Variants in SPATA6L observed in about 807,000 individuals in gnomAD.
SPATA6L encodes spermatogenesis associated 6 like.
SPATA6L carries 68 observed loss-of-function variants against 49.2 expected under a neutral mutation model. The observed-to-expected ratio is 1.38, with a 90% CI of 1.14 to 1.69. The LOEUF (loss-of-function observed/expected upper bound fraction) is 1.69. SPATA6L is among the 40% of genes most tolerant of loss of function. SPATA6L has a pLI of 0.00. For missense variants in SPATA6L, 668 were observed against 464.3 expected (o/e 1.44, Z -4.03); for synonymous variants, 198 against 165.7 (o/e 1.19, Z -1.50).
intron 11 of SPATA6L, among the ~76,000 whole-genome samples, chr9:4,603,224 G>C (rs148375512): frequency 2.0e-3 from 301 of 152,294 alleles, no homozygotes; most frequent in African/African-American, 6.7e-3. Flanking sequence ...GAGGTCAGGA[G>C]TTTGAGACCA....
At chr9:4,622,571 G>A (rs960241298) in intron 6 of SPATA6L, 61 bp from the exon 7 acceptor site, 12 of 1,164,622 alleles carry the variant, frequency 1.0e-5, no homozygotes, top group South Asian at 1.3e-5. Context: ...CCCTCCCCTC[G>A]TTACCGGAAT....
chr9:4,631,139 G>T (rs898292216), intron 4 of SPATA6L, among the ~76,000 whole-genome samples: 1 of 152,150 alleles, frequency 6.6e-6, no homozygotes, highest in East Asian at 1.9e-4. Context: ...CAATAAAGAA[G>T]AATGTATTTT....
intron 3 of SPATA6L, among the ~76,000 whole-genome samples, chr9:4,636,981 C>G (rs539806656): frequency 6.6e-6 from 1 of 152,134 alleles, no homozygotes; most frequent in African/African-American, 2.4e-5. Flanking sequence ...ATTGTCCGCA[C>G]GCTGCAACGT....
At chr9:4,660,601 A>C (rs1442077762) in intron 2 of SPATA6L, among the ~76,000 whole-genome samples, 1 of 152,240 alleles carries the variant, frequency 6.6e-6, no homozygotes, top group African/African-American at 2.4e-5. Flanking sequence ...AACTAGTTCA[A>C]CCCATGTGGA....
downstream of SPATA6L, among the ~76,000 whole-genome samples, chr9:4,594,944 T>C: frequency 6.6e-6 from 1 of 152,130 alleles, no homozygotes; most frequent in East Asian, 1.9e-4. Flanking sequence ...CCCCTAGTAA[T>C]TCTAAGTGTT....
chr9:4,627,430 C>A, intron 5 of SPATA6L: 1 of 186,312 alleles, frequency 5.4e-6, no homozygotes, highest in Non-Finnish European at 1.1e-5. Flanking sequence ...ATTGGCCCTT[C>A]TTTCTCATTA....
chr9:4,590,257 G>T (rs1365286743), intron 13 of SPATA6L, among the ~76,000 whole-genome samples: 1 of 152,132 alleles, frequency 6.6e-6, no homozygotes, highest in Non-Finnish European at 1.5e-5. Context: ...ATGGAATTGG[G>T]TGAGTGTACC....
At chr9:4,665,926 C>T (rs1840788640) in intron 1 of SPATA6L, among the ~76,000 whole-genome samples, 1 of 151,468 alleles carries the variant, frequency 6.6e-6, no homozygotes, top group Non-Finnish European at 1.5e-5. Context: ...TCTACCTGGA[C>T]TTAATGCAGG....
intron 3 of SPATA6L, among the ~76,000 whole-genome samples, chr9:4,645,430 TG>T (rs370170599): frequency 5.3e-5 from 8 of 152,204 alleles, no homozygotes; most frequent in African/African-American, 1.7e-4. Flanking sequence ...GGGCTGTGTC[TG>T]GTGAGGGCCT....
intron 7 of SPATA6L, among the ~76,000 whole-genome samples, chr9:4,619,435 G>A (rs187044066): frequency 7.6e-4 from 115 of 152,242 alleles, no homozygotes; most frequent in Non-Finnish European, 1.4e-3. Context: ...TGGGATTACA[G>A]GTGTAAGCCT....
chr9:4,656,208 G>A, intron 2 of SPATA6L, 119 bp from the exon 3 acceptor site: 1 of 744,482 alleles, frequency 1.3e-6, no homozygotes, highest in South Asian at 1.7e-5. Flanking sequence ...GGAGGCCGAG[G>A]TGGGTGTATT....
chr9:4,603,049 T>C (rs888282832), intron 11 of SPATA6L, among the ~76,000 whole-genome samples: 2 of 152,242 alleles, frequency 1.3e-5, no homozygotes, highest in African/African-American at 4.8e-5. Flanking sequence ...TCCCACAATG[T>C]GGCTAACTAC....
chr9:4,660,300 T>G (rs556372983), intron 2 of SPATA6L, among the ~76,000 whole-genome samples: 1 of 152,188 alleles, frequency 6.6e-6, no homozygotes, highest in South Asian at 2.1e-4. Context: ...AGGGTTAATA[T>G]CCAGAATCTA....
At chr9:4,589,968 G>T (rs183615101) in intron 13 of SPATA6L, among the ~76,000 whole-genome samples, 1 of 152,306 alleles carries the variant, frequency 6.6e-6, no homozygotes, top group African/African-American at 2.4e-5. Context: ...CTGTCACCGA[G>T]GCTGGAGTGC....
At chr9:4,634,357 T>A (rs1200895845) in intron 4 of SPATA6L, among the ~76,000 whole-genome samples, 1 of 152,234 alleles carries the variant, frequency 6.6e-6, no homozygotes, top group African/African-American at 2.4e-5. Context: ...ATAGTTTCAG[T>A]GAAATTCATC....
intron 1 of SPATA6L, chr9:4,664,750 G>C (rs895661738): frequency 6.0e-6 from 1 of 167,072 alleles, no homozygotes; most frequent in Non-Finnish European, 1.5e-5. Context: ...CCTGGAGAAC[G>C]GCTGTGATAA....
At chr9:4,628,154 A>G (rs2130485057) in intron 5 of SPATA6L, 1 of 201,898 alleles carries the variant, frequency 5.0e-6, no homozygotes, top group South Asian at 7.6e-5. Context: ...GGCACAAAAA[A>G]AAAATACAAA....
chr9:4,642,786 G>C (rs113718132), intron 3 of SPATA6L, among the ~76,000 whole-genome samples: 1 of 151,980 alleles, frequency 6.6e-6, no homozygotes, highest in Non-Finnish European at 1.5e-5. Context: ...ATAACTGATT[G>C]AAAACATTGT....
At chr9:4,659,542 C>T (rs1314409113) in intron 2 of SPATA6L, among the ~76,000 whole-genome samples, 3 of 152,010 alleles carry the variant, frequency 2.0e-5, no homozygotes, top group East Asian at 3.9e-4. Flanking sequence ...CACAAACAAA[C>T]GGAAGAAGAT....
Sources: gnomAD v4.1 joint callset for allele counts (sites outside exome capture counted in the v4.1 genomes callset) on GRCh38, gnomAD v4.1.1 for gene constraint, MANE v1.5 for transcripts, NCBI Gene and HGNC (gene_info 2026-07-23, HGNC 2026-07-21) for gene names.